Variants in DMD observed in about 807,000 individuals in gnomAD.
The protein encoded by DMD is mutant dystrophin.
A neutral mutation model predicts 330.1 loss-of-function variants in DMD; 63 were observed. The ratio of observed to expected loss-of-function variants is 0.19; its 90% confidence interval spans 0.16 to 0.24. The LOEUF (loss-of-function observed/expected upper bound fraction) is 0.24, where lower values mean the gene tolerates loss of function less well. Among genes scored for constraint, DMD ranks in the 10% least tolerant of loss-of-function variants. The pLI is 1.00. For synonymous variants in DMD, 1,223 were observed against 959.8 expected (o/e 1.27, Z -5.07); for missense variants, 3,344 against 2,684.1 (o/e 1.25, Z -5.43).
At chrX:32,543,858 T>C (rs769164570) in intron 17 of DMD, among the ~76,000 whole-genome samples, 2 of 111,884 alleles carry the variant, frequency 1.8e-5, no homozygotes, top group African/African-American at 3.3e-5. Flanking sequence ...TTGTGGACTA[T>C]ACAGTTTGTG....
intron 9 of DMD, among the ~76,000 whole-genome samples, chrX:32,650,062 T>C (rs991311703): frequency 9.0e-6 from 1 of 111,023 alleles, no homozygotes; most frequent in Non-Finnish European, 1.9e-5. Context: ...GAAGCATGAT[T>C]TGGGCAATTC....
intron 25 of DMD, among the ~76,000 whole-genome samples, chrX:32,462,598 TTG>T (rs1039618597): frequency 1.9e-5 from 2 of 105,483 alleles, no homozygotes; most frequent in Non-Finnish European, 3.8e-5. Flanking sequence ...TACAGTCATT[TTG>T]TGTGTGTTTT....
intron 9 of DMD, among the ~76,000 whole-genome samples, chrX:32,661,809 A>G (rs1410786706): frequency 1.8e-5 from 2 of 111,631 alleles, no homozygotes; most frequent in Non-Finnish European, 3.8e-5. Context: ...GAACTACCAT[A>G]AGTTTCATTA....
At chrX:31,374,893 C>T (rs956056615) in intron 60 of DMD, among the ~76,000 whole-genome samples, 6 of 111,535 alleles carry the variant, frequency 5.4e-5, no homozygotes, top group African/African-American at 1.6e-4. Flanking sequence ...TGGCGCTCCA[C>T]CCTGGACCTC....
chrX:31,631,216 A>G (rs1280492775), intron 54 of DMD, among the ~76,000 whole-genome samples: 1 of 110,561 alleles, frequency 9.0e-6, no homozygotes, highest in Non-Finnish European at 1.9e-5. Context: ...CACAGTTGCC[A>G]GGAACCAGAT....
chrX:32,092,661 C>A (rs1249168017), intron 44 of DMD, among the ~76,000 whole-genome samples: 1 of 103,259 alleles, frequency 9.7e-6, no homozygotes, highest in African/African-American at 3.6e-5. Context: ...CCTGCAGAAA[C>A]AGCTATGCAG....
intron 2 of DMD, among the ~76,000 whole-genome samples, chrX:32,854,046 C>G (rs767460980): frequency 9.0e-6 from 1 of 111,249 alleles, no homozygotes; most frequent in African/African-American, 3.3e-5. Context: ...ATATACGTAC[C>G]GAACACTGGA....
chrX:31,506,670 A>G (rs1342382077), intron 56 of DMD, among the ~76,000 whole-genome samples: 1 of 112,218 alleles, frequency 8.9e-6, no homozygotes, highest in East Asian at 2.8e-4. Flanking sequence ...AAGCTGGCAC[A>G]TAGAAGGGGG....
At chrX:31,699,489 G>T (rs1367019980) in intron 52 of DMD, among the ~76,000 whole-genome samples, 1 of 111,984 alleles carries the variant, frequency 8.9e-6, no homozygotes, top group Non-Finnish European at 1.9e-5. Flanking sequence ...GGAAACTCAA[G>T]CCAACCTAAA....
At chrX:32,347,945 A>T (rs926954781) in intron 38 of DMD, among the ~76,000 whole-genome samples, 9 of 111,633 alleles carry the variant, frequency 8.1e-5, no homozygotes, top group African/African-American at 2.6e-4. Flanking sequence ...TAACTAAACA[A>T]CTATTTGGTA....
intron 55 of DMD, among the ~76,000 whole-genome samples, chrX:31,587,505 T>C (rs1202498797): frequency 4.4e-5 from 5 of 112,554 alleles, no homozygotes; most frequent in Admixed American, 3.7e-4. Context: ...AAGTTGCTTG[T>C]TAAAATATGT....
intron 44 of DMD, among the ~76,000 whole-genome samples, chrX:32,008,769 G>A (rs745864360): frequency 4.4e-4 from 49 of 111,805 alleles, no homozygotes; most frequent in African/African-American, 1.5e-3. Flanking sequence ...AGGATTAAAA[G>A]AGAAGCAGGA....
At chrX:33,187,394 A>C (rs1304459895) in intron 1 of DMD, among the ~76,000 whole-genome samples, 2 of 112,805 alleles carry the variant, frequency 1.8e-5, no homozygotes, top group East Asian at 5.5e-4. Flanking sequence ...GTAAATAAGT[A>C]ATTTCTATAA....
At chrX:31,175,561 A>G (rs2040425887) in intron 71 of DMD, among the ~76,000 whole-genome samples, 1 of 111,026 alleles carries the variant, frequency 9.0e-6, no homozygotes, top group South Asian at 3.8e-4. Flanking sequence ...CTGGTCAGAG[A>G]TGAATCATTT....
Position 32,932,060 on chromosome X carries a change from T to A in DMD, c.94-82240A>T, listed in dbSNP as rs545574660. On this transcript the variant is annotated intron_variant, in intron 2 of 78. Transcript: ENST00000357033. Reference sequence around the variant, plus strand: ...CTAAACACAAACGTATCTGTCCTTATCAAGTAAAAATAATGAGCAAACATC... The same window carrying A: ...CTAAACACAAACGTATCTGTCCTTAACAAGTAAAAATAATGAGCAAACATC... Among the ~76,000 whole-genome samples, 130 of 112,397 alleles carry A rather than the reference T, an allele frequency of 1.2e-3. 1 individual carries two copies. Among genetic ancestry groups the A allele is most frequent in the African/African-American group, 3.7e-3 (116 of 31,035 alleles).
In DMD at chrX:32,386,259, A is replaced by C. The variant is rs755273916; in HGVS notation, c.4674+51T>G. The stretch of plus-strand genomic sequence containing the variant: ...CATAATTTATTGCCCGTTGCTTTAC[A>C]ATTTATAAGGAAAGTGGAAAGAAGT... On this transcript the variant is annotated intron_variant, in intron 33 of 78. Transcript: ENST00000357033. 4 of 1,194,560 alleles carry C rather than the reference A, an allele frequency of 3.3e-6. No individual in the cohort carries two copies. In the South Asian group the frequency reaches 7.1e-5, roughly 21 times the overall value.
chrX:31,552,346 T>G (rs1193400832), intron 55 of DMD, among the ~76,000 whole-genome samples: 1 of 111,075 alleles, frequency 9.0e-6, no homozygotes, highest in Admixed American at 9.6e-5. Context: ...CTAAGTTTTT[T>G]ATTTTTATTA....
At chrX:32,424,914 A>G (rs895268593) in intron 29 of DMD, among the ~76,000 whole-genome samples, 9 of 111,913 alleles carry the variant, frequency 8.0e-5, no homozygotes, top group Non-Finnish European at 1.7e-4. Context: ...TAGTTGTTTC[A>G]GAATATAATC....
chrX:31,966,468 A>G (rs1387760507), intron 45 of DMD, among the ~76,000 whole-genome samples: 1 of 110,493 alleles, frequency 9.1e-6, no homozygotes, highest in Non-Finnish European at 1.9e-5. Flanking sequence ...ATTTATTTTT[A>G]AAATGTAGCG....
Sources: allele counts gnomAD v4.1 joint callset (sites outside exome capture counted in the v4.1 genomes callset), GRCh38; gene constraint gnomAD v4.1.1; transcripts MANE v1.5; gene names NCBI Gene and HGNC (gene_info 2026-07-23, HGNC 2026-07-21).